FHIT: variants seen among roughly 807,000 people sequenced by gnomAD.
FHIT encodes the protein fragile histidine triad diadenosine triphosphatase.
FHIT carries 19 observed loss-of-function variants against 17.9 expected under a neutral mutation model. The ratio of observed to expected loss-of-function variants is 1.06; its 90% CI spans 0.74 to 1.56. The LOEUF is 1.56. Ranked by LOEUF, FHIT falls within the 40% of genes most tolerant of loss-of-function variation. The probability of loss-of-function intolerance (pLI) is 0.00; values close to 1 mark genes in which losing one functional copy is unlikely to be tolerated. For synonymous variants in FHIT, 81 were observed against 69.7 expected, an observed-to-expected ratio of 1.16 and a Z score of -0.81; for missense variants, 248 against 189.2, an observed-to-expected ratio of 1.31 and a Z score of -1.82.
intron 5 of FHIT, among the ~76,000 whole-genome samples, chr3:60,435,049 T>C (rs981930914): frequency 4.6e-5 from 7 of 152,158 alleles, no homozygotes; most frequent in Non-Finnish European, 8.8e-5. Context: ...AAAGTATCCT[T>C]ATCAGACCAC....
chr3:60,969,385 C>T (rs931948361), intron 3 of FHIT, among the ~76,000 whole-genome samples: 2 of 151,222 alleles, frequency 1.3e-5, no homozygotes, highest in Non-Finnish European at 3.0e-5. Flanking sequence ...TTATTTTCTT[C>T]TACTTTCTTT....
At position 60,536,972 on chromosome 3, in the gene FHIT, G is replaced by C. The variant is rs776543691; in HGVS notation, c.-10C>G. The C allele has an allele frequency of 6.2e-6, 10 of 1,600,770 alleles. No individual in the cohort carries two copies. Among genetic ancestry groups the C allele is most frequent in the Non-Finnish European group, 5.1e-6 (6 of 1,175,686 alleles). On this transcript the variant is annotated 5_prime_UTR_variant, in exon 5 of 10. Coordinates refer to ENST00000492590, the MANE Select transcript of FHIT (RefSeq NM_002012.4). ...CAAATCTGAACGACATGTCCTCACA[G>C]TTGAAGTCTAAAAGAAAAGACAATG...
intron 3 of FHIT, among the ~76,000 whole-genome samples, chr3:60,869,700 A>T (rs782748115): frequency 1.3e-5 from 2 of 152,124 alleles, no homozygotes; most frequent in African/African-American, 2.4e-5. Context: ...AAGATAGTTC[A>T]CTAAAAAGAA....
At chr3:60,791,431 A>AC (rs1700773602) in intron 4 of FHIT, among the ~76,000 whole-genome samples, 1 of 152,210 alleles carries the variant, frequency 6.6e-6, no homozygotes, top group Admixed American at 6.5e-5. Context: ...TTTCTGCCTG[A>AC]CCATTATTAC....
At chr3:60,425,493 TTAAC>T (rs1702628654) in intron 5 of FHIT, among the ~76,000 whole-genome samples, 1 of 152,086 alleles carries the variant, frequency 6.6e-6, no homozygotes, top group Non-Finnish European at 1.5e-5. Context: ...GATACACAAT[TTAAC>T]TATATAGCCA....
At chr3:60,009,459 GTTAAGAATTAGTCCATCATCA>G in intron 7 of FHIT, among the ~76,000 whole-genome samples, 1 of 152,178 alleles carries the variant, frequency 6.6e-6, no homozygotes, top group East Asian at 1.9e-4. Context: ...AGTACTATAT[GTTAAGAATTAGTCCATCATCA>G]TCACCATCAA....
intron 5 of FHIT, among the ~76,000 whole-genome samples, chr3:60,108,269 G>A (rs994052086): frequency 6.6e-6 from 1 of 152,108 alleles, no homozygotes. Context: ...CAGATGGGAG[G>A]TTTAGACACA....
At chr3:60,904,396 A>G (rs1489870360) in intron 3 of FHIT, among the ~76,000 whole-genome samples, 1 of 152,144 alleles carries the variant, frequency 6.6e-6, no homozygotes, top group Non-Finnish European at 1.5e-5. Flanking sequence ...ACAAAACAAT[A>G]CAAGTATTAG....
At chr3:60,759,156 T>C (rs115234793) in intron 4 of FHIT, among the ~76,000 whole-genome samples, 2,797 of 152,196 alleles carry the variant, frequency 0.018, 87 homozygotes, top group African/African-American at 0.062. Context: ...CCTCAAGAAC[T>C]TTGGCTTCTA....
At chr3:60,966,187 A>T (rs1196026958) in intron 3 of FHIT, among the ~76,000 whole-genome samples, 1 of 152,108 alleles carries the variant, frequency 6.6e-6, no homozygotes, top group Non-Finnish European at 1.5e-5. Flanking sequence ...TCGAACTCAG[A>T]CTGCTGTGCT....
intron 5 of FHIT, among the ~76,000 whole-genome samples, chr3:60,357,769 A>G (rs999785588): frequency 6.6e-6 from 1 of 152,018 alleles, no homozygotes; most frequent in African/African-American, 2.4e-5. Context: ...TTTTAAAAGC[A>G]TTGATCTATG....
chr3:60,615,609 C>A (rs2038927576), intron 4 of FHIT, among the ~76,000 whole-genome samples: 1 of 152,218 alleles, frequency 6.6e-6, no homozygotes, highest in Non-Finnish European at 1.5e-5. Flanking sequence ...TAAGTAATAT[C>A]ATCCATTAAT....
chr3:60,513,951 G>A (rs2035045094), intron 5 of FHIT, among the ~76,000 whole-genome samples: 1 of 152,208 alleles, frequency 6.6e-6, no homozygotes, highest in South Asian at 2.1e-4. Flanking sequence ...GTCTGAACGT[G>A]GAGAGGACAA....
chr3:60,955,163 A>T (rs956012612), intron 3 of FHIT, among the ~76,000 whole-genome samples: 1 of 152,194 alleles, frequency 6.6e-6, no homozygotes, highest in Non-Finnish European at 1.5e-5. Context: ...AAAAGCAAGC[A>T]GGAAAGCTAA....
chr3:60,093,411 G>A (rs1385700200), intron 5 of FHIT, among the ~76,000 whole-genome samples: 5 of 152,030 alleles, frequency 3.3e-5, no homozygotes, highest in Non-Finnish European at 5.9e-5. Context: ...AGATTACACT[G>A]AGCCCACCTG....
intron 3 of FHIT, among the ~76,000 whole-genome samples, chr3:60,918,302 A>C (rs1306611198): frequency 6.6e-6 from 1 of 152,218 alleles, no homozygotes; most frequent in Non-Finnish European, 1.5e-5. Context: ...CATAGTTGAG[A>C]AAACAGCATC....
At position 59,817,757 on chromosome 3, in the gene FHIT, A is replaced by C. The variant is rs144978620; in HGVS notation, c.349-65436T>G. 4.7e-3 allele frequency among the ~76,000 whole-genome samples: 722 copies of C among 152,234 alleles called. 4 individuals carry two copies. Among genetic ancestry groups the C allele is most frequent in the Middle Eastern group, 0.027 (8 of 294 alleles). On this transcript the variant is annotated intron_variant, in intron 8 of 9. Coordinates refer to ENST00000492590, the MANE Select transcript of FHIT (RefSeq NM_002012.4). ...TTCACCTGTTTTATTCACAACAGTT[A>C]TCTCTCCAATCCAGATTCCTTCTTT... is the stretch of plus-strand genomic sequence containing the variant.
intron 5 of FHIT, among the ~76,000 whole-genome samples, chr3:60,135,837 T>C (rs1326313952): frequency 6.6e-6 from 1 of 152,108 alleles, no homozygotes; most frequent in African/African-American, 2.4e-5. Context: ...TGGGGCAAAA[T>C]GGATTCTTAA....
intron 8 of FHIT, among the ~76,000 whole-genome samples, chr3:59,779,920 A>G (rs1485448858): frequency 6.6e-6 from 1 of 152,234 alleles, no homozygotes; most frequent in Non-Finnish European, 1.5e-5. Flanking sequence ...ACGGACACAC[A>G]GGTAACATCC....
Sources: allele counts gnomAD v4.1 joint callset (sites outside exome capture counted in the v4.1 genomes callset), GRCh38; gene constraint gnomAD v4.1.1; transcripts MANE v1.5; gene names NCBI Gene and HGNC (gene_info 2026-07-23, HGNC 2026-07-21).